Variants in PHF21A observed in about 807,000 individuals in gnomAD.
The protein encoded by PHF21A is BHC80a.
PHF21A carries 11 observed loss-of-function variants against 82.5 expected under a neutral mutation model. The observed-to-expected ratio is 0.13, with a 90% CI of 0.08 to 0.22. The LOEUF is 0.22. Among genes scored for constraint, PHF21A ranks in the 10% least tolerant of loss-of-function variants. The probability of loss-of-function intolerance (pLI) is 1.00; values close to 1 mark genes in which losing one functional copy is unlikely to be tolerated. For synonymous variants in PHF21A, 297 were observed against 302.8 expected, an observed-to-expected ratio of 0.98 and a Z score of 0.20; for missense variants, 579 against 837.8, an observed-to-expected ratio of 0.69 and a Z score of 3.81.
intron 6 of PHF21A, among the ~76,000 whole-genome samples, chr11:46,072,822 C>A (rs1030459213): frequency 1.9e-4 from 29 of 152,122 alleles, no homozygotes; most frequent in Non-Finnish European, 4.0e-4. Flanking sequence ...AAGCTGCAAC[C>A]ACGATGGCTT....
At chr11:45,972,988 G>A (rs554145714) in intron 7 of PHF21A, among the ~76,000 whole-genome samples, 1 of 152,282 alleles carries the variant, frequency 6.6e-6, no homozygotes, top group East Asian at 1.9e-4. Context: ...TGAGGCAGGG[G>A]AATCACTTGA....
At chr11:46,111,470 C>T (rs1336171079) in intron 1 of PHF21A, among the ~76,000 whole-genome samples, 2 of 151,732 alleles carry the variant, frequency 1.3e-5, no homozygotes, top group African/African-American at 2.4e-5. Context: ...GGCAAGACTC[C>T]GTCTCAAATA....
intron 6 of PHF21A, among the ~76,000 whole-genome samples, chr11:46,043,053 C>G (rs1592397108): frequency 1.3e-5 from 2 of 152,244 alleles, no homozygotes; most frequent in African/African-American, 4.8e-5. Flanking sequence ...TCTCATCCTA[C>G]TGTCCTACCC....
chr11:46,022,547 A>G (rs1314995100), intron 6 of PHF21A, among the ~76,000 whole-genome samples: 1 of 152,150 alleles, frequency 6.6e-6, no homozygotes, highest in East Asian at 1.9e-4. Context: ...CTGCAGCCTC[A>G]AACTCCTGGG....
At position 45,933,027 on chromosome 11, in the gene PHF21A, C is replaced by A. The variant is rs1418315514; in HGVS notation, c.*941G>T. Reference sequence around the variant, plus strand: ...AACGTCTCCATTCAATTCACACACACCTGGGTCGCGTGCTGCTTCACTCAA... The same window carrying A: ...AACGTCTCCATTCAATTCACACACAACTGGGTCGCGTGCTGCTTCACTCAA... On this transcript the variant is annotated 3_prime_UTR_variant, in exon 19 of 19. Coordinates refer to ENST00000676320, the MANE Select transcript of PHF21A (RefSeq NM_001352027.3). The A allele has an allele frequency of 6.6e-6, 1 of 152,628 alleles. No individual in the cohort carries two copies. Among genetic ancestry groups the A allele is most frequent in the Non-Finnish European group, 1.5e-5 (1 of 68,044 alleles). The allele number at this position is 152,628 out of a possible 1,614,324, so 9.5% of individuals were successfully genotyped here. A position where few individuals can be genotyped will look rare whatever the true frequency, so the allele number is the denominator to read the frequency against.
At chr11:46,082,700 TAATA>T (rs2096807412) in intron 4 of PHF21A, among the ~76,000 whole-genome samples, 1 of 152,166 alleles carries the variant, frequency 6.6e-6, no homozygotes, top group South Asian at 2.1e-4. Flanking sequence ...TAAAATAGAA[TAATA>T]AATATTAAGT....
chr11:45,971,369 T>G lies in PHF21A; in HGVS notation c.361-2A>C. On this transcript the variant is annotated splice_acceptor_variant, in intron 7 of 18. Coordinates refer to ENST00000676320, the MANE Select transcript of PHF21A (RefSeq NM_001352027.3). LOFTEE classifies it high-confidence loss of function. ...CATAGAAGCTGTAGTTACAGTCTTC[T>G]AGGAGACAGGGAAAACAGATATTAG... The G allele has an allele frequency of 4.3e-6, 7 of 1,612,396 alleles. No homozygotes were observed. The highest frequency in any genetic ancestry group is 5.9e-6 in the Non-Finnish European group (7 of 1,178,830).
intron 6 of PHF21A, among the ~76,000 whole-genome samples, chr11:46,011,157 C>T (rs1462149110): frequency 6.6e-6 from 1 of 152,128 alleles, no homozygotes; most frequent in East Asian, 1.9e-4. Flanking sequence ...TAATTTGTAA[C>T]TTCACTTTTT....
chr11:45,959,478 T>A (rs1195428133), intron 10 of PHF21A, among the ~76,000 whole-genome samples: 2 of 152,154 alleles, frequency 1.3e-5, no homozygotes, highest in East Asian at 3.8e-4. Context: ...CCACTTGAGA[T>A]CAACAACAAG....
intron 4 of PHF21A, among the ~76,000 whole-genome samples, chr11:46,081,590 A>C (rs929256039): frequency 6.6e-6 from 1 of 152,264 alleles, no homozygotes; most frequent in Non-Finnish European, 1.5e-5. Flanking sequence ...CATTTCAGAC[A>C]ATCAGGGGTA....
intron 1 of PHF21A, 77 bp downstream of exon 1, chr11:46,120,858 G>A (rs1410588127): frequency 1.3e-5 from 2 of 152,990 alleles, no homozygotes; most frequent in African/African-American, 2.4e-5. Flanking sequence ...GGAGGGAGGG[G>A]AAATAGAGCT....
chr11:46,026,729 T>C (rs946600808), intron 6 of PHF21A: 1 of 152,048 alleles, frequency 6.6e-6, no homozygotes, highest in African/African-American at 2.4e-5. Flanking sequence ...CTGAGACACG[T>C]TGGCTTGGCA....
chr11:46,118,220 T>A (rs1026665441), intron 1 of PHF21A: 1 of 152,194 alleles, frequency 6.6e-6, no homozygotes, highest in Non-Finnish European at 1.5e-5. Context: ...GTCTTTTTCA[T>A]CTATTACTAC....
rs1227995073 is a variant in PHF21A, at chr11:45,935,655, T to C, written c.1769A>G (p.Gln590Arg). The C allele has an allele frequency of 1.3e-6, 2 of 1,519,984 alleles. No homozygotes were observed. Among genetic ancestry groups the C allele is most frequent in the African/African-American group, 1.4e-5 (1 of 73,138 alleles). 94.2% of individuals were successfully genotyped at this position (1,519,984 alleles called of 1,614,324 possible). A position where few individuals can be genotyped will look rare whatever the true frequency, so the allele number is the denominator to read the frequency against. ...ACTTACACTTATGGAATTGCTGAGC[T>C]GTTTCACCTTTTGCTCTAGTTGTTC... is the stretch of plus-strand genomic sequence containing the variant. ...EREQLEQKVK[Q>R]LSNSISKCME... The change falls in exon 18 of 19, where the codon CAG becomes CGG. Residue 590 changes from glutamine to arginine, a missense_variant. Around this residue, in one of 3 missense-constraint regions of PHF21A, gnomAD observed 157 missense variants for 149.4 expected, o/e 1.05. Coordinates refer to ENST00000676320, the MANE Select transcript of PHF21A (RefSeq NM_001352027.3).
intron 1 of PHF21A, among the ~76,000 whole-genome samples, chr11:46,099,114 T>G (rs1362712709): frequency 2.6e-5 from 4 of 152,076 alleles, no homozygotes; most frequent in Admixed American, 2.6e-4. Context: ...CAGAAGAAAT[T>G]AGTGAATTGC....
chr11:45,982,619 C>T (rs185256898), intron 6 of PHF21A, among the ~76,000 whole-genome samples: 28 of 152,254 alleles, frequency 1.8e-4, no homozygotes, highest in Non-Finnish European at 3.5e-4. Context: ...AATTTTATTG[C>T]TTGGTGACTG....
chr11:45,970,871 A>C, intron 8 of PHF21A: 1 of 491,814 alleles, frequency 2.0e-6, no homozygotes, highest in Non-Finnish European at 3.7e-6. Context: ...TCCCCCTAAA[A>C]TCAAGTCATA....
chr11:46,099,572 C>CCCT (rs2097062003), intron 1 of PHF21A, among the ~76,000 whole-genome samples: 2 of 111,392 alleles, frequency 1.8e-5, no homozygotes, highest in South Asian at 7.0e-4. Context: ...ACCCTAAACA[C>CCCT]AAACACAAAC....
chr11:45,971,890 C>CTTTCTTTCTT, intron 7 of PHF21A, among the ~76,000 whole-genome samples: 1 of 50,300 alleles, frequency 2.0e-5, no homozygotes, highest in African/African-American at 6.3e-5. Flanking sequence ...CTTTTTCTTT[C>CTTTCTTTCTT]TTTTTTTTTT....
Sources: allele counts gnomAD v4.1 joint callset (sites outside exome capture counted in the v4.1 genomes callset), GRCh38; gene constraint gnomAD v4.1.1; regional missense constraint gnomAD v4.1.1; transcripts MANE v1.5; gene names NCBI Gene and HGNC (gene_info 2026-07-23, HGNC 2026-07-21).